The following SAMHD1 variants were observed in gnomAD, a reference collection of about 807,000 sequenced individuals.
SAMHD1 encodes the protein SAM and HD domain containing deoxynucleoside triphosphate triphosphohydrolase 1, also known as deoxynucleoside triphosphate triphosphohydrolase SAMHD1.
A neutral mutation model predicts 79.6 loss-of-function variants in SAMHD1; 54 were observed. The ratio of observed to expected loss-of-function variants is 0.68; its 90% CI spans 0.55 to 0.85. The LOEUF is 0.85. Among genes scored for constraint, SAMHD1 ranks in the 40% least tolerant of loss-of-function variants. The pLI is 0.00. For missense variants in SAMHD1, 663 were observed against 782.7 expected, an observed-to-expected ratio of 0.85 and a Z score of 1.82; for synonymous variants, 260 against 264.1, an observed-to-expected ratio of 0.98 and a Z score of 0.15.
intron 5 of SAMHD1, among the ~76,000 whole-genome samples, chr20:36,929,306 C>A (rs1347619329): frequency 6.6e-6 from 1 of 152,102 alleles, no homozygotes; most frequent in Non-Finnish European, 1.5e-5. Context: ...TGCCTACTTG[C>A]TTTAAGTATC....
At chr20:36,942,258 A>G (rs1398213910) in intron 2 of SAMHD1, among the ~76,000 whole-genome samples, 1 of 152,146 alleles carries the variant, frequency 6.6e-6, no homozygotes, top group African/African-American at 2.4e-5. Flanking sequence ...TCTTCTAAAA[A>G]TACAAAATTA....
intron 3 of SAMHD1, among the ~76,000 whole-genome samples, chr20:36,937,140 C>CAAA (rs11286688): frequency 8.5e-6 from 1 of 117,648 alleles, no homozygotes; most frequent in Non-Finnish European, 1.8e-5. Flanking sequence ...GACTCTATCT[C>CAAA]AAAAAAAAAA....
At chr20:36,920,950 G>C (rs1420184210) in intron 6 of SAMHD1, among the ~76,000 whole-genome samples, 1 of 151,202 alleles carries the variant, frequency 6.6e-6, no homozygotes, top group African/African-American at 2.4e-5. Flanking sequence ...GCTGGGTATA[G>C]TGACATGCGC....
intron 3 of SAMHD1, among the ~76,000 whole-genome samples, chr20:36,939,367 C>T (rs780691443): frequency 6.6e-6 from 1 of 151,034 alleles, no homozygotes; most frequent in Non-Finnish European, 1.5e-5. Flanking sequence ...CCAAGGCAGA[C>T]GGATCACATG....
intron 9 of SAMHD1, 97 bp downstream of exon 9, chr20:36,916,625 T>C: frequency 1.1e-6 from 1 of 870,808 alleles, no homozygotes; most frequent in Admixed American, 1.7e-5. Context: ...GTAAAGAGAC[T>C]GACGATTTAC....
intron 15 of SAMHD1, chr20:36,894,245 AT>A (rs11483809): frequency 1.6e-4 from 32 of 195,830 alleles, no homozygotes; most frequent in Middle Eastern, 1.8e-3. Flanking sequence ...ATGTGTTATT[AT>A]TTTTTTTTGA....
rs537446646 is a variant in SAMHD1 at position 36,905,424 on chromosome 20, G to C, written c.1350C>G (p.Tyr450Ter). The change falls in exon 12 of 16, where the codon TAC (tyrosine) becomes TAG (stop). Residue 450 changes from tyrosine (Y) to a stop codon, truncating the protein, a stop_gained. Transcript: ENST00000646673. LOFTEE classifies it high-confidence loss of function. ...CACCCACATACTTGAATAGATTACGGTATTCAATTTGTTTTAAAATCTCTC... is the reference window on the plus strand; with the variant it reads ...CACCCACATACTTGAATAGATTACGCTATTCAATTTGTTTTAAAATCTCTC... ...DAREILKQIEYRNLFKYVGET... is the reference protein window; with the variant it reads ...DAREILKQIE 6.2e-7 allele frequency: 1 copy of C among 1,612,928 alleles called. No homozygotes were observed. Among genetic ancestry groups the C allele is most frequent in the African/African-American group, 1.3e-5 (1 of 74,980 alleles).
Position 36,930,753 on chromosome 20 carries a change from A to C in SAMHD1, c.625+7T>G. On this transcript the variant is annotated splice_region_variant and intron_variant, in intron 5 of 15. Transcript: ENST00000646673. ...ACATAACAACTTTGTCTCTTTGTACAGCTTACCGAGATCATGACAAAGTCC... is the reference window on the plus strand; with the variant it reads ...ACATAACAACTTTGTCTCTTTGTACCGCTTACCGAGATCATGACAAAGTCC... 4 of 1,586,502 alleles carry C rather than the reference A, an allele frequency of 2.5e-6. No homozygotes were observed. The highest frequency in any genetic ancestry group is 3.5e-6 in the Non-Finnish European group (4 of 1,155,062).
intron 2 of SAMHD1, among the ~76,000 whole-genome samples, chr20:36,945,795 C>T (rs1426589430): frequency 6.6e-6 from 1 of 151,788 alleles, no homozygotes; most frequent in Non-Finnish European, 1.5e-5. Flanking sequence ...CCTGTAATCC[C>T]AGCTACTCAG....
At chr20:36,949,241 G>A (rs775572590) in intron 1 of SAMHD1, among the ~76,000 whole-genome samples, 6 of 151,676 alleles carry the variant, frequency 4.0e-5, no homozygotes, top group Admixed American at 1.3e-4. Context: ...TTCAGCCTGC[G>A]TGACAGAGCG....
chr20:36,945,181 G>C (rs2063677566), intron 2 of SAMHD1, among the ~76,000 whole-genome samples: 1 of 152,126 alleles, frequency 6.6e-6, no homozygotes, highest in Non-Finnish European at 1.5e-5. Context: ...GGGACTACAG[G>C]TGCATGCACA....
chr20:36,922,043 G>A (rs2063509252), intron 6 of SAMHD1, among the ~76,000 whole-genome samples: 1 of 152,030 alleles, frequency 6.6e-6, no homozygotes, highest in Non-Finnish European at 1.5e-5. Flanking sequence ...GAATCCATGA[G>A]GAAACATCAC....
chr20:36,912,519 G>T lies in SAMHD1; in HGVS notation c.1096C>A (p.Arg366Ser). 1 of 1,613,056 alleles carries T rather than the reference G, an allele frequency of 6.2e-7. No homozygotes were observed. The highest frequency in any genetic ancestry group is 8.5e-7 in the Non-Finnish European group (1 of 1,179,192). The change falls in exon 10 of 16, where the codon CGC becomes AGC. Residue 366 changes from arginine to serine, a missense_variant. Physicochemically the swap from Arg to Ser is moderately radical, Grantham distance 110. Transcript: ENST00000646673. ...VGNLYDMFHT[R>S]NSLHRRAYQH... ...TAAGCTCTACGGTGTAAAGAGTTGC[G>T]AGTGTGGAACATGTCATACAGATTT...
chr20:36,930,075 A>G (rs1457832704), intron 5 of SAMHD1, among the ~76,000 whole-genome samples: 237 of 85,960 alleles, frequency 2.8e-3, no homozygotes, highest in African/African-American at 0.012. Context: ...AAAGGAAGAA[A>G]AAAAAAGACC....
chr20:36,921,373 A>G, intron 6 of SAMHD1, among the ~76,000 whole-genome samples: 1 of 136,708 alleles, frequency 7.3e-6, no homozygotes. Flanking sequence ...AGGCTGGGCG[A>G]CACAGCGAGA....
intron 11 of SAMHD1, among the ~76,000 whole-genome samples, 168 bp downstream of exon 11, chr20:36,911,048 ATT>A (rs1005579270): frequency 6.6e-5 from 10 of 152,208 alleles, no homozygotes; most frequent in Admixed American, 5.9e-4. Flanking sequence ...GAGCCCAGGA[ATT>A]TGAGAGAAGC....
rs762533769 is a variant in SAMHD1 at position 36,941,008 on chromosome 20, C to G, written c.348+31G>C. 5.2e-6 allele frequency: 8 copies of G among 1,542,992 alleles called. No individual in the cohort carries two copies. The South Asian group carries it at 8.9e-5, about 17-fold the overall frequency. ...TAATTGAGTTATATCACTTTATATT[C>G]AAAAAACATAACAAACTCAGATCCT... On this transcript the variant is annotated intron_variant, in intron 3 of 15. Coordinates refer to ENST00000646673, the MANE Select transcript of SAMHD1 (RefSeq NM_015474.4).
intron 9 of SAMHD1, among the ~76,000 whole-genome samples, chr20:36,915,843 T>C (rs1300775723): frequency 6.6e-6 from 1 of 151,950 alleles, no homozygotes; most frequent in Non-Finnish European, 1.5e-5. Context: ...ATAAAATTTT[T>C]CAACACTAAT....
At chr20:36,949,271 A>G (rs2063716055) in intron 1 of SAMHD1, among the ~76,000 whole-genome samples, 1 of 151,880 alleles carries the variant, frequency 6.6e-6, no homozygotes. Flanking sequence ...CTCAGAAAAA[A>G]AATAAAATAA....
Sources: gnomAD v4.1 joint callset for allele counts (sites outside exome capture counted in the v4.1 genomes callset) on GRCh38, gnomAD v4.1.1 for gene constraint, MANE v1.5 for transcripts, NCBI Gene and HGNC (gene_info 2026-07-23, HGNC 2026-07-21) for gene names.